SCGN: variants seen among roughly 807,000 people sequenced by gnomAD.
SCGN encodes secretagogin, EF-hand calcium binding protein, also known as secretagogin.
A neutral mutation model predicts 39.7 loss-of-function variants in SCGN; 30 were observed. That is an observed-to-expected ratio of 0.76 (90% CI 0.57 to 1.03). SCGN has a LOEUF of 1.03. Ranked by LOEUF, SCGN falls within the 50% of genes least tolerant of loss-of-function variation. SCGN has a pLI of 0.00. For missense variants in SCGN, 353 were observed against 349.4 expected (o/e 1.01, Z -0.08); for synonymous variants, 106 against 114.1 (o/e 0.93, Z 0.45).
chr6:25,658,664 C>G (rs1031595386), intron 2 of SCGN, among the ~76,000 whole-genome samples: 3 of 152,136 alleles, frequency 2.0e-5, no homozygotes, highest in African/African-American at 7.2e-5. Context: ...AGAGACTCAC[C>G]TTCACTGCAA....
rs1207491079 is a variant in SCGN at position 25,654,868 on chromosome 6, G to A, written c.153+1416G>A. On this transcript the variant is annotated intron_variant, in intron 2 of 10. Coordinates refer to ENST00000377961, the MANE Select transcript of SCGN (RefSeq NM_006998.4). ...AGGATCAGCAGACGAGAAGGATAGA[G>A]ACACAAGTCCCTTCTTTCCTCTGGT... Among the ~76,000 whole-genome samples, 3 of 152,300 alleles carry A rather than the reference G, an allele frequency of 2.0e-5. No homozygotes were observed. In the East Asian group the frequency reaches 5.8e-4, roughly 29 times the overall value.
rs1242868345 is a variant in SCGN, at chr6:25,695,051, T to C, written c.702+3927T>C. Among the ~76,000 whole-genome samples, 6 of 152,234 alleles carry C rather than the reference T, an allele frequency of 3.9e-5. No homozygotes were observed. In the East Asian group the frequency reaches 1.2e-3, roughly 29 times the overall value. On this transcript the variant is annotated intron_variant, in intron 10 of 10. Transcript: ENST00000377961. Reference sequence around the variant, plus strand: ...ATAACTCTGAAGTAAGCTTATCTTATAGTTTTTTAATTCTTGGACAATCAT... The same window carrying C: ...ATAACTCTGAAGTAAGCTTATCTTACAGTTTTTTAATTCTTGGACAATCAT...
At chr6:25,672,377 T>C (rs1329810870) in intron 6 of SCGN, among the ~76,000 whole-genome samples, 2 of 151,852 alleles carry the variant, frequency 1.3e-5, no homozygotes, top group Non-Finnish European at 2.9e-5. Flanking sequence ...GGGTGATGAG[T>C]GTTATGGAAA....
intron 10 of SCGN, among the ~76,000 whole-genome samples, chr6:25,697,582 G>T (rs1457525203): frequency 6.6e-6 from 1 of 152,138 alleles, no homozygotes. Context: ...GTACAGGAAA[G>T]GGTAGGTGTA....
chr6:25,681,541 C>A (rs565880709), intron 6 of SCGN, among the ~76,000 whole-genome samples: 29 of 152,326 alleles, frequency 1.9e-4, no homozygotes, highest in African/African-American at 7.0e-4. Flanking sequence ...TTGAAGGTAG[C>A]TGTGGCCAGG....
intron 10 of SCGN, among the ~76,000 whole-genome samples, chr6:25,700,138 G>T (rs1326167376): frequency 6.7e-6 from 1 of 150,212 alleles, no homozygotes; most frequent in Non-Finnish European, 1.5e-5. Context: ...CCAGCCACTC[G>T]GGAAGCTGAG....
At chr6:25,653,212 G>C (rs1239818735) in intron 1 of SCGN, among the ~76,000 whole-genome samples, 170 bp from the exon 2 acceptor site, 1 of 152,132 alleles carries the variant, frequency 6.6e-6, no homozygotes, top group South Asian at 2.1e-4. Flanking sequence ...AGTGTTTACT[G>C]TTCAAACCCA....
At position 25,653,471 on chromosome 6, in the gene SCGN, A is replaced by AGAG; in HGVS notation, c.153+20_153+21insAGG. The AGAG allele has an allele frequency of 6.3e-7, 1 of 1,591,568 alleles. No individual in the cohort carries two copies. Among genetic ancestry groups the AGAG allele is most frequent in the Non-Finnish European group, 8.6e-7 (1 of 1,160,758 alleles). On this transcript the variant is annotated intron_variant, in intron 2 of 10. Transcript: ENST00000377961. ...TACTGATGTAAGTACTTGCACACTA[A>AGAG]GCCTTAATTTATGCCTCTTAGTAAG...
chr6:25,671,838 AT>A (rs1225125797), intron 6 of SCGN, among the ~76,000 whole-genome samples: 2 of 151,914 alleles, frequency 1.3e-5, no homozygotes, highest in Non-Finnish European at 2.9e-5. Context: ...TTTAACATTG[AT>A]TTAACAGAAT....
At chr6:25,691,984 A>G (rs971964802) in intron 10 of SCGN, among the ~76,000 whole-genome samples, 1 of 152,236 alleles carries the variant, frequency 6.6e-6, no homozygotes, top group Admixed American at 6.5e-5. Context: ...GTGTACTGCA[A>G]TAGAGCAGGC....
intron 6 of SCGN, among the ~76,000 whole-genome samples, 185 bp from the exon 7 acceptor site, chr6:25,681,766 C>T (rs892492475): frequency 6.6e-6 from 1 of 152,212 alleles, no homozygotes; most frequent in African/African-American, 2.4e-5. Context: ...TACTACGACT[C>T]ATCCTAACAG....
At chr6:25,654,781 C>G (rs1009185014) in intron 2 of SCGN, among the ~76,000 whole-genome samples, 1 of 152,002 alleles carries the variant, frequency 6.6e-6, no homozygotes, top group African/African-American at 2.4e-5. Context: ...TTTTTCTGTA[C>G]CTTTTATTGC....
intron 3 of SCGN, 40 bp from the exon 4 acceptor site, chr6:25,664,903 T>C (rs772776846): frequency 6.6e-7 from 1 of 1,506,184 alleles, no homozygotes; most frequent in Non-Finnish European, 9.2e-7. Context: ...AAATGGACAC[T>C]GGCCAGTGTC....
intron 10 of SCGN, among the ~76,000 whole-genome samples, chr6:25,691,990 CA>C (rs1182301261): frequency 1.3e-5 from 2 of 152,204 alleles, no homozygotes; most frequent in African/African-American, 2.4e-5. Context: ...TGCAATAGAG[CA>C]GGCATGGATA....
intron 4 of SCGN, among the ~76,000 whole-genome samples, chr6:25,666,349 C>G (rs539812297): frequency 6.6e-6 from 1 of 151,602 alleles, no homozygotes; most frequent in African/African-American, 2.4e-5. Flanking sequence ...GAGGGAAACT[C>G]GGTCTCAAAA....
At chr6:25,664,827 T>G in intron 3 of SCGN, 116 bp from the exon 4 acceptor site, 1 of 661,346 alleles carries the variant, frequency 1.5e-6, no homozygotes, top group East Asian at 2.7e-5. Flanking sequence ...CTGTTCATCC[T>G]GGAAGATCTG....
chr6:25,681,971 T>G lies in SCGN; in HGVS notation c.492T>G (p.Asn164Lys). The G allele has an allele frequency of 2.5e-6, 4 of 1,613,760 alleles. No individual in the cohort carries two copies. The highest frequency in any genetic ancestry group is 3.4e-6 in the Non-Finnish European group (4 of 1,179,680). The change falls in exon 7 of 11, where the codon AAT becomes AAG. Residue 164 changes from asparagine to lysine, a missense_variant. Physicochemically the swap from Asn to Lys is moderately conservative, Grantham distance 94. Transcript: ENST00000377961. ...TTCAGATGAAGATTTTTGACAGAAATAAAGATGGTCGGTTGGATCTAAATG... is the reference window on the plus strand; with the variant it reads ...TTCAGATGAAGATTTTTGACAGAAAGAAAGATGGTCGGTTGGATCTAAATG... ...TGTMMKIFDR[N>K]KDGRLDLNDL...
At chr6:25,691,201 G>A (rs1184744798) in intron 10 of SCGN, 77 bp downstream of exon 10, 18 of 1,076,020 alleles carry the variant, frequency 1.7e-5, no homozygotes, top group Non-Finnish European at 2.6e-5. Flanking sequence ...GGGAATCAGT[G>A]AGACTGAAGG....
At position 25,652,424 on chromosome 6, in the gene SCGN, G is replaced by A. The variant is rs780773271; in HGVS notation, c.21G>A (p.Pro7=). ...ACACCATGGACAGCTCCCGGGAACC[G>A]ACTCTGGGGCGCTTGGACGCCGCTG... MDSSRE[P]TLGRLDAAGF... is the part of the protein sequence containing the mutation. Residue 7 remains proline, a synonymous_variant, in exon 1 of 11, where the codon CCG becomes CCA. Transcript: ENST00000377961. 3.7e-6 allele frequency: 6 copies of A among 1,614,040 alleles called. No homozygotes were observed. The highest frequency in any genetic ancestry group is 5.1e-6 in the Non-Finnish European group (6 of 1,180,026).
Sources: allele counts gnomAD v4.1 joint callset (sites outside exome capture counted in the v4.1 genomes callset), GRCh38; gene constraint gnomAD v4.1.1; transcripts MANE v1.5; gene names NCBI Gene and HGNC (gene_info 2026-07-23, HGNC 2026-07-21).